The following C1orf87 variants were observed in gnomAD, a reference collection of about 807,000 sequenced individuals.
C1orf87 encodes uncharacterized protein C1orf87.
In C1orf87, 58 loss-of-function variants were observed where a neutral mutation model predicts 60.5. That is an observed-to-expected ratio of 0.96 (90% confidence interval 0.78 to 1.19). C1orf87 has a LOEUF of 1.19. C1orf87 is among the 50% of genes most tolerant of loss of function. The pLI is 0.00. For synonymous variants in C1orf87, 236 were observed against 227.4 expected, an observed-to-expected ratio of 1.04 and a Z score of -0.34; for missense variants, 673 against 638.6, an observed-to-expected ratio of 1.05 and a Z score of -0.58.
rs753338444 is a variant in C1orf87, at chr1:60,040,022, G to C, written c.642C>G (p.Leu214=). ...AAAAGAGGCGGCTCAGCTGAGATTG[G>C]AGAAGAAATCCTGAAGAGATTGGGT... ...ILDPISSGFL[L]QSQLSRLFLK... The change falls in exon 5 of 12, where the codon CTC becomes CTG. Residue 214 remains leucine (L), a synonymous_variant. Transcript: ENST00000371201. 1.9e-6 allele frequency: 3 copies of C among 1,614,158 alleles called. No homozygotes were observed. Among genetic ancestry groups the C allele is most frequent in the Non-Finnish European group, 2.5e-6 (3 of 1,180,038 alleles).
At chr1:60,005,125 C>G (rs1645035019) in intron 9 of C1orf87, among the ~76,000 whole-genome samples, 1 of 152,070 alleles carries the variant, frequency 6.6e-6, no homozygotes, top group South Asian at 2.1e-4. Flanking sequence ...GAGAAGGAAA[C>G]TCATATATGT....
chr1:60,010,122 A>G (rs564750953), intron 9 of C1orf87, among the ~76,000 whole-genome samples: 87 of 152,004 alleles, frequency 5.7e-4, no homozygotes, highest in Admixed American at 2.0e-3. Flanking sequence ...TAACTTCCAT[A>G]AATGTACTGC....
chr1:60,062,074 A>G (rs915783095), intron 2 of C1orf87, among the ~76,000 whole-genome samples: 1 of 152,176 alleles, frequency 6.6e-6, no homozygotes, highest in African/African-American at 2.4e-5. Flanking sequence ...ACCAAAGGTC[A>G]CTGCTTTTCT....
At chr1:60,055,670 C>T (rs1023076810) in intron 2 of C1orf87, among the ~76,000 whole-genome samples, 3 of 152,150 alleles carry the variant, frequency 2.0e-5, no homozygotes, top group East Asian at 3.9e-4. Flanking sequence ...TCCTCATACT[C>T]ATAATCTATC....
intron 8 of C1orf87, among the ~76,000 whole-genome samples, chr1:60,016,918 C>T (rs1645128225): frequency 6.6e-6 from 1 of 152,202 alleles, no homozygotes; most frequent in Non-Finnish European, 1.5e-5. Flanking sequence ...GGCAGTTTGG[C>T]CAAAGCCTCT....
At chr1:60,047,421 T>A (rs1195661290) in intron 3 of C1orf87, among the ~76,000 whole-genome samples, 1 of 152,178 alleles carries the variant, frequency 6.6e-6, no homozygotes, top group East Asian at 1.9e-4. Flanking sequence ...TTAAGTTAGA[T>A]CCTGAGTCTT....
chr1:60,029,636 A>AGTT (rs1645222742), intron 7 of C1orf87, among the ~76,000 whole-genome samples: 1 of 42,240 alleles, frequency 2.4e-5, no homozygotes, highest in Non-Finnish European at 4.4e-5. Flanking sequence ...TGTCCCCCCA[A>AGTT]GTTTTTTTTT....
intron 7 of C1orf87, among the ~76,000 whole-genome samples, chr1:60,025,881 C>T (rs956539872): frequency 2.0e-5 from 3 of 152,032 alleles, no homozygotes; most frequent in African/African-American, 7.2e-5. Context: ...TTTTGATTAG[C>T]CAAACAAGCT....
At chr1:60,006,153 C>A (rs904422491) in intron 9 of C1orf87, among the ~76,000 whole-genome samples, 4 of 151,486 alleles carry the variant, frequency 2.6e-5, no homozygotes, top group Non-Finnish European at 4.4e-5. Context: ...GCTACCATAG[C>A]TATTTTGCTA....
At chr1:60,043,629 C>T (rs1474042795) in intron 3 of C1orf87, among the ~76,000 whole-genome samples, 1 of 152,258 alleles carries the variant, frequency 6.6e-6, no homozygotes, top group South Asian at 2.1e-4. Context: ...TCTGATCCTC[C>T]CGCCTTGGCC....
intron 8 of C1orf87, chr1:60,011,020 A>G (rs1645080911): frequency 6.6e-6 from 1 of 152,024 alleles, no homozygotes; most frequent in South Asian, 2.1e-4. Context: ...CTTTGTGTCA[A>G]GAGGGTTTCA....
At position 60,055,221 on chromosome 1, in the gene C1orf87, T is replaced by G. The variant is rs567605119; in HGVS notation, c.325A>C (p.Arg109=). 31 of 1,613,394 alleles carry G rather than the reference T, an allele frequency of 1.9e-5. No homozygotes were observed. The highest frequency in any genetic ancestry group is 2.6e-5 in the Non-Finnish European group (31 of 1,179,422). ...TCACTCACATTGCCATCCAGGAATC[T>G]GCTACTGTTTGCCCCTGTTAGTAGT... The part of the protein sequence containing the change: ...QKLLTGANSS[R]FLDGNIPSQA... Residue 109 remains arginine, a synonymous_variant, in exon 3 of 12, where the codon AGA becomes CGA. Coordinates refer to ENST00000371201, the MANE Select transcript of C1orf87 (RefSeq NM_152377.3).
intron 8 of C1orf87, among the ~76,000 whole-genome samples, chr1:60,012,169 C>G (rs376132980): frequency 6.8e-6 from 1 of 148,128 alleles, no homozygotes; most frequent in African/African-American, 2.5e-5. Flanking sequence ...CACCTTCTGA[C>G]GCTTTGATGA....
At chr1:60,067,416 T>C (rs75070279) in intron 2 of C1orf87, among the ~76,000 whole-genome samples, 4,312 of 152,258 alleles carry the variant, frequency 0.028, 112 homozygotes, top group African/African-American at 0.059. Context: ...TTCTAACTGG[T>C]GTGATATAGT....
rs35260089 is a variant in C1orf87 at position 60,001,133 on chromosome 1, C to T, written c.1216G>A (p.Ala406Thr). 3 of 1,586,864 alleles carry T rather than the reference C, an allele frequency of 1.9e-6. No homozygotes were observed. The highest frequency in any genetic ancestry group is 2.6e-6 in the Non-Finnish European group (3 of 1,170,416). The change falls in exon 10 of 12, where the codon GCC (alanine) becomes ACC (threonine). Residue 406 changes from alanine (A) to threonine (T), a missense_variant. Physicochemically the swap from Ala to Thr is moderately conservative, Grantham distance 58 (BLOSUM62 0). Transcript: ENST00000371201. The stretch of plus-strand genomic sequence containing the variant: ...GGGACTTCAGGCTCCATTGGAGGGG[C>T]AGGGGCTTTCTTTTCATTCTTCCCT... ...PTGKNEKKAP[A>T]PPMEPEVPEM...
rs1184402219 is a variant in C1orf87 at position 59,990,699 on chromosome 1, C to T, written c.1615G>A (p.Ala539Thr). The T allele has an allele frequency of 1.9e-6, 3 of 1,614,002 alleles. No individual in the cohort carries two copies. Among genetic ancestry groups the T allele is most frequent in the Admixed American group, 3.3e-5 (2 of 60,008 alleles). The stretch of plus-strand genomic sequence containing the variant: ...CATAGCTCCTTTAAGTACCGCAGTG[C>T]TGGCTCCAAGAGCATATTTTCTCCC... ...RSGENMLLEP[A>T]LRYLKEL Residue 539 changes from alanine (A) to threonine (T), a missense_variant, in exon 12 of 12, where the codon GCA becomes ACA. Transcript: ENST00000371201.
chr1:60,003,699 C>A (rs575251067), intron 9 of C1orf87, among the ~76,000 whole-genome samples: 2 of 152,148 alleles, frequency 1.3e-5, no homozygotes, highest in African/African-American at 4.8e-5. Context: ...GATTTCATAA[C>A]CTTCTTTGAA....
At chr1:60,012,189 C>A (rs551650328) in intron 8 of C1orf87, among the ~76,000 whole-genome samples, 11 of 147,042 alleles carry the variant, frequency 7.5e-5, no homozygotes, top group Non-Finnish European at 1.4e-4. Context: ...AAAAAAAAAA[C>A]ACAAAACAAC....
At chr1:60,009,082 T>G (rs769389814) in intron 9 of C1orf87, among the ~76,000 whole-genome samples, 3 of 152,098 alleles carry the variant, frequency 2.0e-5, no homozygotes, top group Non-Finnish European at 4.4e-5. Flanking sequence ...CACTGGTACC[T>G]GTGAATCTGA....
Sources: allele counts gnomAD v4.1 joint callset (sites outside exome capture counted in the v4.1 genomes callset), GRCh38; gene constraint gnomAD v4.1.1; transcripts MANE v1.5; gene names NCBI Gene and HGNC (gene_info 2026-07-23, HGNC 2026-07-21).